Variants in SH3PXD2A observed in about 807,000 individuals in gnomAD.
SH3PXD2A encodes SH3 and PX domains 2A, also known as SH3 and PX domain-containing protein 2A.
In SH3PXD2A, 32 loss-of-function variants were observed where a neutral mutation model predicts 115.2. The observed-to-expected ratio is 0.28, with a 90% CI of 0.21 to 0.37. The LOEUF is 0.37. Among genes scored for constraint, SH3PXD2A ranks in the 10% least tolerant of loss-of-function variants. SH3PXD2A has a pLI of 1.00. For synonymous variants in SH3PXD2A, 610 were observed against 629.1 expected (o/e 0.97, Z 0.45); for missense variants, 1,328 against 1,498.7 (o/e 0.89, Z 1.88).
At chr10:103,640,327 A>G (rs941430043) in intron 8 of SH3PXD2A, among the ~76,000 whole-genome samples, 2 of 152,012 alleles carry the variant, frequency 1.3e-5, no homozygotes, top group Non-Finnish European at 2.9e-5. Context: ...AAAATTAAAA[A>G]AAAAAAAAGA....
At chr10:103,625,478 G>A (rs1321794571) in intron 9 of SH3PXD2A, among the ~76,000 whole-genome samples, 1 of 152,260 alleles carries the variant, frequency 6.6e-6, no homozygotes, top group Non-Finnish European at 1.5e-5. Flanking sequence ...GGAAGGATGG[G>A]GATGGCCATA....
chr10:103,745,322 C>T (rs1047163071), intron 3 of SH3PXD2A, among the ~76,000 whole-genome samples: 3 of 152,212 alleles, frequency 2.0e-5, no homozygotes, highest in Non-Finnish European at 2.9e-5. Context: ...AATAAGTTTC[C>T]CCTTTTTTCT....
At chr10:103,704,742 T>C (rs754057597) in intron 5 of SH3PXD2A, among the ~76,000 whole-genome samples, 9 of 152,140 alleles carry the variant, frequency 5.9e-5, no homozygotes, top group Non-Finnish European at 8.8e-5. Context: ...CAGGGCGGCC[T>C]GGGGGCTTCC....
At chr10:103,700,016 C>G (rs2037873712) in intron 5 of SH3PXD2A, among the ~76,000 whole-genome samples, 1 of 152,250 alleles carries the variant, frequency 6.6e-6, no homozygotes, top group Non-Finnish European at 1.5e-5. Context: ...GGCATTTTGT[C>G]TCCTGAACAT....
intron 1 of SH3PXD2A, among the ~76,000 whole-genome samples, chr10:103,835,711 C>T (rs563056409): frequency 7.2e-5 from 11 of 152,282 alleles, no homozygotes; most frequent in South Asian, 2.1e-4. Context: ...TCCAGTCTCC[C>T]GTGCAGCTCT....
chr10:103,825,701 C>T (rs2039423291), intron 1 of SH3PXD2A, among the ~76,000 whole-genome samples: 1 of 151,896 alleles, frequency 6.6e-6, no homozygotes, highest in Non-Finnish European at 1.5e-5. Flanking sequence ...ACACACTTGG[C>T]TTAGTTCTGT....
intron 11 of SH3PXD2A, among the ~76,000 whole-genome samples, 194 bp downstream of exon 11, chr10:103,617,003 C>T (rs1448619100): frequency 6.6e-6 from 1 of 152,272 alleles, no homozygotes; most frequent in Non-Finnish European, 1.5e-5. Flanking sequence ...TTACGCGTCC[C>T]GGGAGAAAAC....
intron 5 of SH3PXD2A, 98 bp from the exon 6 acceptor site, chr10:103,693,154 C>T: frequency 1.1e-6 from 1 of 949,082 alleles, no homozygotes; most frequent in Non-Finnish European, 1.6e-6. Flanking sequence ...CGGTCGGTCC[C>T]CGGTGCCGCT....
At chr10:103,679,403 A>G (rs1262316726) in intron 6 of SH3PXD2A, among the ~76,000 whole-genome samples, 1 of 152,248 alleles carries the variant, frequency 6.6e-6, no homozygotes, top group Non-Finnish European at 1.5e-5. Context: ...AGGAAGACCT[A>G]GTACCAGTGT....
Position 103,620,495 on chromosome 10 carries a change from A to G in SH3PXD2A, c.802+1975T>C, listed in dbSNP as rs1230424701. The stretch of plus-strand genomic sequence containing the variant: ...CCACTGAGAGAGGCCTTTTGGTTCC[A>G]AGGGCCTGGCTGGCTGAGGGAACGG... On this transcript the variant is annotated intron_variant, in intron 10 of 14. Coordinates refer to ENST00000369774, the MANE Select transcript of SH3PXD2A (RefSeq NM_001394015.1). The surrounding 1 kb of genome is among the most constrained non-coding windows in gnomAD (Gnocchi z 5.3). 3.3e-5 allele frequency among the ~76,000 whole-genome samples: 5 copies of G among 152,124 alleles called. No individual in the cohort carries two copies. Among genetic ancestry groups the G allele is most frequent in the Non-Finnish European group, 4.4e-5 (3 of 68,034 alleles).
chr10:103,785,900 C>G (rs566854062), intron 2 of SH3PXD2A, among the ~76,000 whole-genome samples: 35 of 151,692 alleles, frequency 2.3e-4, no homozygotes, highest in African/African-American at 8.0e-4. Flanking sequence ...AAAAAGCCTC[C>G]GGGGAGGCTG....
intron 2 of SH3PXD2A, among the ~76,000 whole-genome samples, chr10:103,796,125 C>T (rs529844258): frequency 8.2e-4 from 124 of 151,788 alleles, no homozygotes; most frequent in African/African-American, 2.7e-3. Flanking sequence ...TTTGGAAGAC[C>T]GAGGCGGAAG....
At chr10:103,697,595 C>T (rs545109596) in intron 5 of SH3PXD2A, among the ~76,000 whole-genome samples, 1 of 152,320 alleles carries the variant, frequency 6.6e-6, no homozygotes, top group South Asian at 2.1e-4. Context: ...TGGACGCACG[C>T]CTCTGGACCC....
chr10:103,681,758 CCG>C (rs59908558), intron 6 of SH3PXD2A, among the ~76,000 whole-genome samples: 59,948 of 147,440 alleles, frequency 0.41, 12,500 homozygotes, highest in East Asian at 0.63. Context: ...ACACACGCGC[CCG>C]CGCGCGCGCG....
At chr10:103,697,303 A>G (rs1469430513) in intron 5 of SH3PXD2A, among the ~76,000 whole-genome samples, 1 of 152,152 alleles carries the variant, frequency 6.6e-6, no homozygotes, top group African/African-American at 2.4e-5. Context: ...AGAAACTGCT[A>G]TAAATTGTCT....
At chr10:103,642,363 A>T (rs1231514873) in intron 8 of SH3PXD2A, among the ~76,000 whole-genome samples, 1 of 152,178 alleles carries the variant, frequency 6.6e-6, no homozygotes, top group East Asian at 1.9e-4. Context: ...GGGGTTAAAG[A>T]TCATCGAACA....
intron 3 of SH3PXD2A, among the ~76,000 whole-genome samples, chr10:103,739,767 T>C (rs75400272): frequency 0.015 from 2,209 of 152,284 alleles, 22 homozygotes; most frequent in Middle Eastern, 0.024. Context: ...ACCTAACTCA[T>C]CAGGATTAAC....
At chr10:103,818,325 TG>T (rs1299004264) in intron 1 of SH3PXD2A, among the ~76,000 whole-genome samples, 3 of 152,176 alleles carry the variant, frequency 2.0e-5, no homozygotes, top group Non-Finnish European at 4.4e-5. Flanking sequence ...CCATTAATCT[TG>T]GGGAAATGTA....
At chr10:103,790,223 C>T (rs1456118020) in intron 2 of SH3PXD2A, among the ~76,000 whole-genome samples, 4 of 151,526 alleles carry the variant, frequency 2.6e-5, no homozygotes, top group East Asian at 3.9e-4. Flanking sequence ...GGTGCGATCT[C>T]GGCTCACTGC....
Sources: allele counts gnomAD v4.1 joint callset (sites outside exome capture counted in the v4.1 genomes callset), GRCh38; gene constraint gnomAD v4.1.1; non-coding constraint Gnocchi (gnomAD v3.1); transcripts MANE v1.5; gene names NCBI Gene and HGNC (gene_info 2026-07-23, HGNC 2026-07-21).